The following DENND5B variants were observed in gnomAD, a reference collection of about 807,000 sequenced individuals.
The protein encoded by DENND5B is DENN domain-containing protein 5B.
DENND5B carries 34 observed loss-of-function variants against 140.6 expected under a neutral mutation model. The ratio of observed to expected loss-of-function variants is 0.24; its 90% CI spans 0.18 to 0.32. The LOEUF (loss-of-function observed/expected upper bound fraction) is 0.32. Ranked by LOEUF, DENND5B falls within the 10% of genes least tolerant of loss-of-function variation. DENND5B has a pLI of 1.00. For synonymous variants in DENND5B, 551 were observed against 562.1 expected (o/e 0.98, Z 0.28); for missense variants, 1,142 against 1,560.2 (o/e 0.73, Z 4.52).
chr12:31,439,874 G>A (rs1216192842), intron 7 of DENND5B, among the ~76,000 whole-genome samples: 9 of 134,720 alleles, frequency 6.7e-5, no homozygotes, highest in African/African-American at 2.5e-4. Flanking sequence ...AGGTTGCGGT[G>A]AGCTGAGATC....
intron 6 of DENND5B, 44 bp downstream of exon 6, chr12:31,447,494 C>A (rs375125437): frequency 4.6e-5 from 70 of 1,528,928 alleles, no homozygotes; most frequent in African/African-American, 3.6e-4. Context: ...GGGAAAAAAG[C>A]GATAATGGAT....
At chr12:31,574,374 G>T (rs1354352487) in intron 1 of DENND5B, among the ~76,000 whole-genome samples, 1 of 151,668 alleles carries the variant, frequency 6.6e-6, no homozygotes, top group Non-Finnish European at 1.5e-5. Context: ...TGGAGCTCTT[G>T]AAGTCTGGAG....
rs574441966 is a variant in DENND5B, at chr12:31,410,026, A to C, written c.2682-642T>G. ...AGATTCATTCTATTTCAATTCATAA[A>C]AATGGATATATAAACAGTTAATAAA... On this transcript the variant is annotated intron_variant, in intron 13 of 20. Transcript: ENST00000389082. Among the ~76,000 whole-genome samples the C allele has an allele frequency of 3.3e-5, 5 of 152,376 alleles. No homozygotes were observed. The South Asian group carries it at 1.0e-3, about 32-fold the overall frequency.
intron 1 of DENND5B, among the ~76,000 whole-genome samples, chr12:31,519,579 A>T (rs1947800650): frequency 6.6e-6 from 1 of 152,186 alleles, no homozygotes; most frequent in South Asian, 2.1e-4. Context: ...ACAAGTACTC[A>T]CAAAAGAAGG....
intron 19 of DENND5B, among the ~76,000 whole-genome samples, chr12:31,391,329 C>T: frequency 6.6e-6 from 1 of 152,196 alleles, no homozygotes; most frequent in East Asian, 1.9e-4. Flanking sequence ...GAAGTCTGTG[C>T]TCCAATGTAC....
intron 1 of DENND5B, among the ~76,000 whole-genome samples, chr12:31,571,840 C>T (rs1949833546): frequency 6.6e-6 from 1 of 152,188 alleles, no homozygotes; most frequent in Non-Finnish European, 1.5e-5. Context: ...AACTCCTGAC[C>T]TCAGGTGATC....
Position 31,403,521 on chromosome 12 carries a change from A to G in DENND5B, c.2804-878T>C, listed in dbSNP as rs534602725. Among the ~76,000 whole-genome samples, 4 of 149,884 alleles carry G rather than the reference A, an allele frequency of 2.7e-5. No homozygotes were observed. The Middle Eastern group carries it at 0.014, about 517-fold the overall frequency. On this transcript the variant is annotated intron_variant, in intron 14 of 20. Transcript: ENST00000389082. ...GGCAGGAGAATCACTTGAACCCGGG[A>G]GGCAGAGGTTGCAGTGAGCTGAGAT...
At chr12:31,522,562 AGGCTCCCAAGTAGTT>A (rs139385516) in intron 1 of DENND5B, among the ~76,000 whole-genome samples, 2,551 of 152,224 alleles carry the variant, frequency 0.017, 73 homozygotes, top group African/African-American at 0.058. Context: ...TCCCCAGTTC[AGGCTCCCAAGTAGTT>A]GGGACTACAG....
intron 3 of DENND5B, among the ~76,000 whole-genome samples, chr12:31,462,586 G>C (rs902283751): frequency 1.3e-5 from 2 of 152,010 alleles, no homozygotes; most frequent in Non-Finnish European, 2.9e-5. Context: ...TTCACACCCA[G>C]TGCTGACTAA....
At chr12:31,502,939 A>AG (rs1409090182) in intron 1 of DENND5B, among the ~76,000 whole-genome samples, 1 of 152,230 alleles carries the variant, frequency 6.6e-6, no homozygotes, top group East Asian at 1.9e-4. Context: ...AGGAACAGCC[A>AG]GGGCTGTGAA....
At chr12:31,433,658 C>G (rs1286391770) in intron 7 of DENND5B, among the ~76,000 whole-genome samples, 7 of 151,924 alleles carry the variant, frequency 4.6e-5, no homozygotes, top group Admixed American at 1.3e-4. Context: ...ATTCTCAAAA[C>G]CCATAATTTA....
intron 1 of DENND5B, among the ~76,000 whole-genome samples, chr12:31,509,422 T>G (rs958724862): frequency 2.6e-5 from 4 of 152,190 alleles, no homozygotes; most frequent in Non-Finnish European, 5.9e-5. Flanking sequence ...TAGTTTTGTA[T>G]GCCTACAGGC....
intron 1 of DENND5B, among the ~76,000 whole-genome samples, chr12:31,570,825 G>T (rs1949798247): frequency 6.6e-6 from 1 of 151,958 alleles, no homozygotes; most frequent in South Asian, 2.1e-4. Context: ...TCTTTGGTTG[G>T]TTGATTGGTC....
At chr12:31,415,279 G>T in intron 12 of DENND5B, 88 bp downstream of exon 12, 1 of 1,004,756 alleles carries the variant, frequency 1.0e-6, no homozygotes, top group Non-Finnish European at 1.5e-6. Context: ...AATAAACACA[G>T]CCATAATCAT....
Position 31,445,612 on chromosome 12 carries a change from G to A in DENND5B, c.1861+1926C>T, listed in dbSNP as rs138215531. On this transcript the variant is annotated intron_variant, in intron 6 of 20. Transcript: ENST00000389082. Reference sequence around the variant, plus strand: ...CCCAGCTACTTGGGAGGCTGTGGTGGGAGGATCACTTCAACCCAGGAGGCA... The same window carrying A: ...CCCAGCTACTTGGGAGGCTGTGGTGAGAGGATCACTTCAACCCAGGAGGCA... Among the ~76,000 whole-genome samples, 312 of 152,122 alleles carry A rather than the reference G, an allele frequency of 2.1e-3. 9 individuals are homozygous for A. The East Asian group carries it at 0.045, about 22-fold the overall frequency.
chr12:31,520,290 T>C (rs1947829080), intron 1 of DENND5B, among the ~76,000 whole-genome samples: 2 of 152,248 alleles, frequency 1.3e-5, no homozygotes, highest in South Asian at 4.1e-4. Flanking sequence ...TATAGGGTGC[T>C]ATAGAACTTT....
intron 11 of DENND5B, among the ~76,000 whole-genome samples, chr12:31,416,576 G>C (rs1181157927): frequency 6.6e-6 from 1 of 151,788 alleles, no homozygotes; most frequent in Non-Finnish European, 1.5e-5. Flanking sequence ...TTACTTTCTA[G>C]TTACTTGTTC....
chr12:31,582,213 T>G (rs1264756640), intron 1 of DENND5B, among the ~76,000 whole-genome samples: 1 of 152,170 alleles, frequency 6.6e-6, no homozygotes, highest in African/African-American at 2.4e-5. Context: ...AACTTAGTTT[T>G]TTTACTCAAA....
At chr12:31,573,967 TAAA>T (rs544048362) in intron 1 of DENND5B, among the ~76,000 whole-genome samples, 1 of 131,388 alleles carries the variant, frequency 7.6e-6, no homozygotes, top group Admixed American at 7.8e-5. Flanking sequence ...CTTTATCTCT[TAAA>T]AAAAAAAAAA....
Sources: gnomAD v4.1 joint callset for allele counts (sites outside exome capture counted in the v4.1 genomes callset) on GRCh38, gnomAD v4.1.1 for gene constraint, MANE v1.5 for transcripts, NCBI Gene and HGNC (gene_info 2026-07-23, HGNC 2026-07-21) for gene names.